Variants in DCAF7 observed in about 807,000 individuals in gnomAD.
DCAF7 encodes the protein DDB1- and CUL4-associated factor 7.
DCAF7 carries 4 observed loss-of-function variants against 41.2 expected under a neutral mutation model. The ratio of observed to expected loss-of-function variants is 0.10; its 90% CI spans 0.05 to 0.22. The LOEUF is 0.22. Ranked by LOEUF, DCAF7 falls within the 10% of genes least tolerant of loss-of-function variation. The pLI, the probability that DCAF7 is intolerant of heterozygous loss-of-function variation, is 1.00. For synonymous variants in DCAF7, 143 were observed against 164.2 expected (o/e 0.87, Z 0.99); for missense variants, 131 against 443.2 (o/e 0.30, Z 6.32).
At chr17:63,552,047 C>CA (rs1984161430) in intron 1 of DCAF7, among the ~76,000 whole-genome samples, 1 of 151,698 alleles carries the variant, frequency 6.6e-6, no homozygotes, top group Admixed American at 6.6e-5. Flanking sequence ...CACTGCACTC[C>CA]AGCCTGGGCG....
chr17:63,579,790 T>C (rs775052514), intron 3 of DCAF7, 35 bp from the exon 4 acceptor site: 1 of 1,563,666 alleles, frequency 6.4e-7, no homozygotes, highest in Non-Finnish European at 8.8e-7. Flanking sequence ...AGAACCTTGG[T>C]CCCGTCAGCC....
At chr17:63,560,978 C>A (rs962881524) in intron 1 of DCAF7, among the ~76,000 whole-genome samples, 2 of 152,190 alleles carry the variant, frequency 1.3e-5, no homozygotes, top group Non-Finnish European at 2.9e-5. Context: ...CACCTGTAAT[C>A]CCCACTACAG....
At chr17:63,579,272 T>C in intron 2 of DCAF7, 65 bp from the exon 3 acceptor site, 1 of 1,136,824 alleles carries the variant, frequency 8.8e-7, no homozygotes, top group Non-Finnish European at 1.3e-6. Flanking sequence ...TAAACAGGGA[T>C]TTTTTAAAAG....
chr17:63,573,465 C>T (rs1426032263), intron 1 of DCAF7: 1 of 152,106 alleles, frequency 6.6e-6, no homozygotes, highest in Non-Finnish European at 1.5e-5. Flanking sequence ...TGGCTTATGC[C>T]TGTAATCCCA....
rs541893109 is a variant in DCAF7, at chr17:63,562,514, TTTTTTTA to T, written c.138+11723_138+11729del. On this transcript the variant is annotated intron_variant, in intron 1 of 6. Coordinates refer to ENST00000614556, the MANE Select transcript of DCAF7 (RefSeq NM_005828.5). ...TCAAAAGACAGCAGAAAATATTTTC[TTTTTTTA>T]TTTTTTATTTTTTATTTTTTATTAT... Among the ~76,000 whole-genome samples, 564 of 151,940 alleles carry T rather than the reference TTTTTTTA, an allele frequency of 3.7e-3. 5 individuals are homozygous for T. The highest frequency in any genetic ancestry group is 9.9e-3 in the African/African-American group (410 of 41,400).
At chr17:63,580,749 T>C (rs2033614267) in intron 4 of DCAF7, among the ~76,000 whole-genome samples, 1 of 152,082 alleles carries the variant, frequency 6.6e-6, no homozygotes, top group Non-Finnish European at 1.5e-5. Flanking sequence ...CGAACTCTCC[T>C]GACCTCAGGT....
chr17:63,578,442 T>C, intron 1 of DCAF7, 28 bp from the exon 2 acceptor site: 1 of 1,613,804 alleles, frequency 6.2e-7, no homozygotes, highest in African/African-American at 1.3e-5. Context: ...CACAAATGCT[T>C]ATGTGGCTCA....
chr17:63,576,938 A>G (rs1197146223), intron 1 of DCAF7, among the ~76,000 whole-genome samples: 2 of 152,242 alleles, frequency 1.3e-5, no homozygotes, highest in Non-Finnish European at 2.9e-5. Flanking sequence ...ATACTGCCAC[A>G]TTGCACATAA....
intron 2 of DCAF7, among the ~76,000 whole-genome samples, chr17:63,578,858 C>G (rs1366217329): frequency 1.3e-5 from 2 of 152,194 alleles, no homozygotes; most frequent in African/African-American, 4.8e-5. Context: ...CTCAGTCAAC[C>G]CGAGGTGATG....
chr17:63,560,593 G>C (rs1317015849), intron 1 of DCAF7, among the ~76,000 whole-genome samples: 1 of 152,158 alleles, frequency 6.6e-6, no homozygotes, highest in Non-Finnish European at 1.5e-5. Flanking sequence ...GTGTAGAAGG[G>C]ATACACAAGA....
intron 4 of DCAF7, among the ~76,000 whole-genome samples, chr17:63,580,506 G>A (rs1213330470): frequency 4.1e-5 from 3 of 72,492 alleles, no homozygotes; most frequent in Admixed American, 4.1e-4. Context: ...ATTTGTGATT[G>A]CTTTTTTTTT....
chr17:63,587,820 T>G (rs2033692842), intron 6 of DCAF7, among the ~76,000 whole-genome samples: 2 of 151,992 alleles, frequency 1.3e-5, no homozygotes, highest in Non-Finnish European at 2.9e-5. Flanking sequence ...CTTACTATTT[T>G]GATTATAAAA....
At chr17:63,570,246 G>A (rs2033491188) in intron 1 of DCAF7, among the ~76,000 whole-genome samples, 1 of 151,894 alleles carries the variant, frequency 6.6e-6, no homozygotes. Context: ...TTGAGCTCAG[G>A]AGTTCCAGAC....
intron 1 of DCAF7, among the ~76,000 whole-genome samples, chr17:63,569,649 A>G (rs532300020): frequency 7.2e-4 from 109 of 152,280 alleles, no homozygotes; most frequent in African/African-American, 2.4e-3. Flanking sequence ...AGCCAATACT[A>G]TCTGACCTCT....
At chr17:63,558,044 C>T (rs1209488318) in intron 1 of DCAF7, among the ~76,000 whole-genome samples, 2 of 152,092 alleles carry the variant, frequency 1.3e-5, no homozygotes, top group South Asian at 2.1e-4. Context: ...TACAGGTGCA[C>T]ACCACCACGC....
chr17:63,578,887 G>T (rs1225822072), intron 2 of DCAF7, among the ~76,000 whole-genome samples: 6 of 152,232 alleles, frequency 3.9e-5, no homozygotes, highest in Admixed American at 3.9e-4. Flanking sequence ...CTTCAGTGGA[G>T]GTGGGAATAC....
intron 1 of DCAF7, among the ~76,000 whole-genome samples, chr17:63,572,778 T>C (rs2033520764): frequency 6.6e-6 from 1 of 152,222 alleles, no homozygotes; most frequent in Non-Finnish European, 1.5e-5. Flanking sequence ...TCTTTGTTTT[T>C]CTGAGACAAG....
intron 1 of DCAF7, among the ~76,000 whole-genome samples, chr17:63,557,629 A>G (rs1334448279): frequency 1.3e-5 from 2 of 152,224 alleles, no homozygotes; most frequent in Non-Finnish European, 2.9e-5. Context: ...TAGATGCAGA[A>G]AGTAAAAGAG....
rs757367104 is a variant in DCAF7 at position 63,550,839 on chromosome 17, C to A, written c.138+24C>A. On this transcript the variant is annotated intron_variant, in intron 1 of 6. Transcript: ENST00000614556. This position sits in a 1 kb window ranked among gnomAD's most constrained non-coding sequence, Gnocchi z 4.8. ...AGGTGGGCCGGGCAGGGGCTCGGAA[C>A]CCAGCTGGCGGGGAGCGGGCCCCGG... 8.1e-6 allele frequency: 13 copies of A among 1,608,940 alleles called. No homozygotes were observed. The highest frequency in any genetic ancestry group is 1.1e-5 in the Non-Finnish European group (13 of 1,177,390).
Sources: gnomAD v4.1 joint callset for allele counts (sites outside exome capture counted in the v4.1 genomes callset) on GRCh38, gnomAD v4.1.1 for gene constraint, Gnocchi (gnomAD v3.1) non-coding constraint, MANE v1.5 for transcripts, NCBI Gene and HGNC (gene_info 2026-07-23, HGNC 2026-07-21) for gene names.